Variants in ABCA13 observed in about 807,000 individuals in gnomAD.
ABCA13 encodes the protein ATP-binding cassette sub-family A member 13.
In ABCA13, 476 loss-of-function variants were observed where a neutral mutation model predicts 478.7. The ratio of observed to expected loss-of-function variants is 0.99; its 90% CI spans 0.92 to 1.07. The LOEUF is 1.07. Among genes scored for constraint, ABCA13 ranks in the 50% least tolerant of loss-of-function variants. The pLI, the probability that ABCA13 is intolerant of heterozygous loss-of-function variation, is 0.00. For synonymous variants in ABCA13, 2,252 were observed against 2,158.9 expected (o/e 1.04, Z -1.20); for missense variants, 6,060 against 5,910.6 (o/e 1.03, Z -0.83).
intron 43 of ABCA13, among the ~76,000 whole-genome samples, chr7:48,464,895 G>A (rs1826692520): frequency 6.6e-6 from 1 of 152,194 alleles, no homozygotes; most frequent in Non-Finnish European, 1.5e-5. Context: ...CAGGACAAAT[G>A]GAGCAGAGGA....
intron 39 of ABCA13, among the ~76,000 whole-genome samples, chr7:48,410,093 C>CA (rs58724216): frequency 0.092 from 6,161 of 66,878 alleles, 297 homozygotes; most frequent in East Asian, 0.22. Context: ...GACTCCATCT[C>CA]AAAAAAAAAA....
intron 37 of ABCA13, among the ~76,000 whole-genome samples, chr7:48,391,316 A>G (rs1006532776): frequency 1.2e-4 from 18 of 152,236 alleles, no homozygotes; most frequent in African/African-American, 3.9e-4. Flanking sequence ...AAAGTCCCAT[A>G]CAACTATAAT....
intron 55 of ABCA13, among the ~76,000 whole-genome samples, chr7:48,536,361 T>C (rs1483196634): frequency 6.6e-6 from 1 of 152,112 alleles, no homozygotes; most frequent in Non-Finnish European, 1.5e-5. Context: ...AATTTATCAC[T>C]TTAAGGCCAG....
At chr7:48,187,180 TG>T (rs1178294534) in intron 1 of ABCA13, among the ~76,000 whole-genome samples, 2 of 151,046 alleles carry the variant, frequency 1.3e-5, no homozygotes, top group Admixed American at 6.6e-5. Flanking sequence ...CTTAGAACTT[TG>T]TAAATTGATG....
At chr7:48,388,086 G>T in intron 36 of ABCA13, 127 bp downstream of exon 36, 2 of 979,182 alleles carry the variant, frequency 2.0e-6, no homozygotes, top group Non-Finnish European at 1.4e-6. Context: ...TTACATTTAG[G>T]CTGTCTTGGG....
chr7:48,571,732 TACA>T (rs1202959979), intron 55 of ABCA13, among the ~76,000 whole-genome samples: 1 of 152,244 alleles, frequency 6.6e-6, no homozygotes, highest in Non-Finnish European at 1.5e-5. Flanking sequence ...CCTGAATATA[TACA>T]ACATTATTAT....
chr7:48,407,473 C>CA (rs71765027), intron 39 of ABCA13, among the ~76,000 whole-genome samples: 17,574 of 140,146 alleles, frequency 0.13, 1,171 homozygotes, highest in Admixed American at 0.2. Flanking sequence ...GAGACTGTGT[C>CA]AAAAAAAAAA....
At chr7:48,172,641 C>CA (rs1479391950) in intron 1 of ABCA13, among the ~76,000 whole-genome samples, 1 of 150,728 alleles carries the variant, frequency 6.6e-6, no homozygotes, top group African/African-American at 2.4e-5. Context: ...TAAAAAAACA[C>CA]AAAAAAATTA....
chr7:48,583,759 G>A (rs1788920727), intron 56 of ABCA13, among the ~76,000 whole-genome samples: 1 of 152,228 alleles, frequency 6.6e-6, no homozygotes, highest in African/African-American at 2.4e-5. Flanking sequence ...TTTGCCAACT[G>A]AGATTGCTAA....
intron 50 of ABCA13, 52 bp from the exon 51 acceptor site, chr7:48,511,032 A>G (rs1831633211): frequency 7.2e-7 from 1 of 1,393,726 alleles, no homozygotes; most frequent in Non-Finnish European, 1.0e-6. Context: ...GATGATAATA[A>G]ATATGACCAT....
At chr7:48,323,286 A>G (rs1018544168) in intron 27 of ABCA13, among the ~76,000 whole-genome samples, 3 of 152,224 alleles carry the variant, frequency 2.0e-5, no homozygotes, top group Admixed American at 1.3e-4. Flanking sequence ...AGTGCCTAGA[A>G]GAATGCTAGG....
chr7:48,343,510 C>T (rs1480338515), intron 29 of ABCA13, among the ~76,000 whole-genome samples: 2 of 152,166 alleles, frequency 1.3e-5, no homozygotes, highest in African/African-American at 2.4e-5. Flanking sequence ...CCAGGCTTCC[C>T]AAGGTTCTCT....
At chr7:48,448,117 C>T (rs1410265445) in intron 42 of ABCA13, among the ~76,000 whole-genome samples, 1 of 152,176 alleles carries the variant, frequency 6.6e-6, no homozygotes, top group African/African-American at 2.4e-5. Flanking sequence ...ACATGCCTGC[C>T]TGCATAGAAC....
chr7:48,474,022 C>A (rs947046227), intron 45 of ABCA13, among the ~76,000 whole-genome samples: 7 of 152,116 alleles, frequency 4.6e-5, no homozygotes, highest in East Asian at 1.9e-4. Context: ...TTTGGTGATC[C>A]TTTGCAGTGA....
intron 1 of ABCA13, among the ~76,000 whole-genome samples, chr7:48,181,011 C>T (rs774560535): frequency 2.6e-5 from 4 of 152,154 alleles, no homozygotes; most frequent in African/African-American, 7.2e-5. Flanking sequence ...AGTAATATGG[C>T]TAAGCCCAAA....
intron 27 of ABCA13, among the ~76,000 whole-genome samples, chr7:48,325,779 G>T (rs1466487938): frequency 6.6e-6 from 1 of 152,200 alleles, no homozygotes; most frequent in African/African-American, 2.4e-5. Context: ...AATAACTCTT[G>T]CCCCTAGAGC....
At chr7:48,616,698 A>G (rs982136573) in intron 59 of ABCA13, among the ~76,000 whole-genome samples, 4 of 152,118 alleles carry the variant, frequency 2.6e-5, no homozygotes, top group African/African-American at 9.7e-5. Flanking sequence ...TGGGTTATTC[A>G]CTGAAACATC....
In ABCA13 at chr7:48,647,393, A is replaced by T. The variant is rs1795491155; in HGVS notation, c.*1881A>T. ...AACATAGTCTAGTTGTCAAAAGGAA[A>T]TATGTAATCTTTTTATGATTGTTGA... On this transcript the variant is annotated 3_prime_UTR_variant, in exon 62 of 62. Transcript: ENST00000435803. The T allele has an allele frequency of 6.6e-6, 1 of 152,224 alleles. No individual in the cohort carries two copies. The highest frequency in any genetic ancestry group is 1.5e-5 in the Non-Finnish European group (1 of 68,032). 9.4% of individuals were successfully genotyped at this position (152,224 alleles called of 1,614,324 possible). A position where few individuals can be genotyped will look rare whatever the true frequency, so the allele number is the denominator to read the frequency against.
chr7:48,324,691 G>C (rs1018208394), intron 27 of ABCA13, among the ~76,000 whole-genome samples: 1 of 152,176 alleles, frequency 6.6e-6, no homozygotes, highest in African/African-American at 2.4e-5. Flanking sequence ...GGAAGCACTT[G>C]GAAACCAGTT....
Sources: allele counts gnomAD v4.1 joint callset (sites outside exome capture counted in the v4.1 genomes callset), GRCh38; gene constraint gnomAD v4.1.1; transcripts MANE v1.5; gene names NCBI Gene and HGNC (gene_info 2026-07-23, HGNC 2026-07-21).